Variants in KIAA0825 observed in about 807,000 individuals in gnomAD.
KIAA0825 encodes KIAA0825.
In KIAA0825, 119 loss-of-function variants were observed where a neutral mutation model predicts 147.6. The ratio of observed to expected loss-of-function variants is 0.81; its 90% CI spans 0.69 to 0.94. The LOEUF (loss-of-function observed/expected upper bound fraction) is 0.94, where lower values mean the gene tolerates loss of function less well. KIAA0825 is among the 40% of genes least tolerant of loss of function. The probability of loss-of-function intolerance (pLI) is 0.00; values close to 1 mark genes in which losing one functional copy is unlikely to be tolerated. For missense variants in KIAA0825, 1,381 were observed against 1,472.7 expected (o/e 0.94, Z 1.02); for synonymous variants, 470 against 518.1 (o/e 0.91, Z 1.26).
At chr5:94,384,712 C>A (rs1182111437) in intron 19 of KIAA0825, among the ~76,000 whole-genome samples, 2 of 152,034 alleles carry the variant, frequency 1.3e-5, no homozygotes, top group African/African-American at 4.8e-5. Flanking sequence ...AGTCGTTATT[C>A]TTCCAAGTGT....
chr5:94,212,517 G>C (rs1299660262), intron 20 of KIAA0825, among the ~76,000 whole-genome samples: 1 of 152,158 alleles, frequency 6.6e-6, no homozygotes, highest in Non-Finnish European at 1.5e-5. Context: ...GAGACATGAG[G>C]CTATTAGGAG....
intron 20 of KIAA0825, among the ~76,000 whole-genome samples, chr5:94,276,527 G>A (rs1041366514): frequency 6.6e-6 from 1 of 151,804 alleles, no homozygotes; most frequent in African/African-American, 2.4e-5. Context: ...AAATCGCTAT[G>A]CCGCTTATAA....
chr5:94,453,706 A>T (rs552800040), intron 12 of KIAA0825, among the ~76,000 whole-genome samples: 28 of 152,256 alleles, frequency 1.8e-4, no homozygotes, highest in Non-Finnish European at 3.2e-4. Flanking sequence ...TTTAATTTTT[A>T]AAAATCTCAT....
chr5:94,574,543 C>CAAAAAAAAAAAAAAAAAAAAAAAAAAA (rs1181241238), intron 2 of KIAA0825, among the ~76,000 whole-genome samples: 1 of 65,530 alleles, frequency 1.5e-5, no homozygotes, highest in Non-Finnish European at 2.6e-5. Flanking sequence ...GACTCCATCT[C>CAAAAAAAAAAAAAAAAAAAAAAAAAAA]AAAAAAAAAA....
intron 20 of KIAA0825, among the ~76,000 whole-genome samples, chr5:94,310,766 AC>A (rs1255010701): frequency 6.6e-6 from 1 of 151,714 alleles, no homozygotes; most frequent in African/African-American, 2.4e-5. Flanking sequence ...TTCTGTTATA[AC>A]AATTTGAAAG....
At chr5:94,365,910 C>A (rs1044694761) in intron 20 of KIAA0825, among the ~76,000 whole-genome samples, 2 of 152,208 alleles carry the variant, frequency 1.3e-5, no homozygotes, top group South Asian at 4.1e-4. Flanking sequence ...ATTATAAAAT[C>A]TAAGATCAGT....
chr5:94,403,581 C>A lies in KIAA0825; in HGVS notation c.2875G>T (p.Glu959Ter), dbSNP rs533600069. 4 of 1,551,246 alleles carry A rather than the reference C, an allele frequency of 2.6e-6. No individual in the cohort carries two copies. In the Admixed American group the frequency reaches 5.9e-5, roughly 23 times the overall value. Reference protein sequence around the residue: ...NYSPKETNRKESCKSFTRLTA... With the variant: ...NYSPKETNRK ...CAAGTGTACTTACTTTTGCATGATT[C>A]TTTCCTGTTAGTTTCTTTTGGACTA... is the stretch of plus-strand genomic sequence containing the variant. The change falls in exon 16 of 21, where the codon GAA becomes TAA. Residue 959 changes from glutamate (E) to a stop codon, truncating the protein, a stop_gained. Coordinates refer to ENST00000682413, the MANE Select transcript of KIAA0825 (RefSeq NM_001145678.3). LOFTEE classifies it high-confidence loss of function.
At chr5:94,329,610 A>G (rs894048778) in intron 20 of KIAA0825, among the ~76,000 whole-genome samples, 7 of 152,140 alleles carry the variant, frequency 4.6e-5, no homozygotes, top group African/African-American at 1.7e-4. Context: ...TAGAACTAAG[A>G]ACACTAGACA....
chr5:94,380,412 T>G (rs1306754388), intron 20 of KIAA0825, among the ~76,000 whole-genome samples: 1 of 152,248 alleles, frequency 6.6e-6, no homozygotes, highest in Non-Finnish European at 1.5e-5. Flanking sequence ...GTTTATTAAT[T>G]AATTCAATAC....
chr5:94,287,772 G>T (rs966301914), intron 20 of KIAA0825, among the ~76,000 whole-genome samples: 3 of 152,086 alleles, frequency 2.0e-5, no homozygotes, highest in African/African-American at 7.2e-5. Context: ...TAAATATTTA[G>T]TAACCATCAT....
chr5:94,427,468 T>G (rs1755037634), intron 14 of KIAA0825, among the ~76,000 whole-genome samples: 1 of 152,040 alleles, frequency 6.6e-6, no homozygotes, highest in African/African-American at 2.4e-5. Flanking sequence ...CCCAAGAGTT[T>G]GAGGTTGCAG....
chr5:94,543,330 C>A (rs1326695668), intron 2 of KIAA0825, among the ~76,000 whole-genome samples: 2 of 152,130 alleles, frequency 1.3e-5, no homozygotes, highest in African/African-American at 4.8e-5. Flanking sequence ...GTAATCCCAG[C>A]TACTCAGGAG....
intron 3 of KIAA0825, among the ~76,000 whole-genome samples, chr5:94,533,318 C>G (rs561667102): frequency 6.9e-6 from 1 of 144,288 alleles, no homozygotes. Flanking sequence ...GCTCTGTTGC[C>G]GAGGCTGGAG....
intron 20 of KIAA0825, among the ~76,000 whole-genome samples, chr5:94,219,058 T>C (rs1288742098): frequency 6.6e-6 from 1 of 152,192 alleles, no homozygotes; most frequent in African/African-American, 2.4e-5. Context: ...AGAGACTGGT[T>C]TTGTAGAAGA....
At chr5:94,402,447 G>A (rs1751507088) in intron 16 of KIAA0825, among the ~76,000 whole-genome samples, 1 of 151,972 alleles carries the variant, frequency 6.6e-6, no homozygotes, top group Non-Finnish European at 1.5e-5. Context: ...ATGAAAAGGT[G>A]ACATTTTCCA....
At chr5:94,205,039 G>A (rs1454677924) in intron 20 of KIAA0825, among the ~76,000 whole-genome samples, 1 of 151,878 alleles carries the variant, frequency 6.6e-6, no homozygotes, top group Non-Finnish European at 1.5e-5. Context: ...TCCTCTAAAT[G>A]TAATTTTTAA....
intron 20 of KIAA0825, among the ~76,000 whole-genome samples, chr5:94,168,852 GA>G (rs951070348): frequency 6.6e-6 from 1 of 152,088 alleles, no homozygotes; most frequent in Non-Finnish European, 1.5e-5. Context: ...GATATATCTG[GA>G]AATTTTCATG....
At chr5:94,402,964 C>T (rs1228967045) in intron 16 of KIAA0825, among the ~76,000 whole-genome samples, 2 of 151,814 alleles carry the variant, frequency 1.3e-5, no homozygotes, top group East Asian at 1.9e-4. Context: ...ATAAAATAAA[C>T]GAATAATGTA....
chr5:94,473,658 C>T, intron 7 of KIAA0825, 139 bp from the exon 8 acceptor site: 1 of 627,538 alleles, frequency 1.6e-6, no homozygotes, highest in Admixed American at 3.0e-5. Flanking sequence ...ATTCTTACAA[C>T]CTAAAAAATA....
Sources: gnomAD v4.1 joint callset for allele counts (sites outside exome capture counted in the v4.1 genomes callset) on GRCh38, gnomAD v4.1.1 for gene constraint, MANE v1.5 for transcripts, NCBI Gene and HGNC (gene_info 2026-07-23, HGNC 2026-07-21) for gene names.